CCDC102B: variants seen among roughly 807,000 people sequenced by gnomAD.
CCDC102B encodes coiled-coil domain containing 102B.
Under a neutral mutation model 57.4 loss-of-function variants are expected in CCDC102B, and 75 were observed. The observed-to-expected ratio is 1.31, with a 90% confidence interval of 1.08 to 1.58. The LOEUF is 1.58. CCDC102B is among the 40% of genes most tolerant of loss of function. CCDC102B has a pLI of 0.00. For synonymous variants in CCDC102B, 206 were observed against 201.9 expected (o/e 1.02, Z -0.17); for missense variants, 636 against 582.6 (o/e 1.09, Z -0.94).
intron 6 of CCDC102B, among the ~76,000 whole-genome samples, chr18:68,933,096 A>AC (rs1568338199): frequency 0.026 from 3,771 of 146,736 alleles, 139 homozygotes; most frequent in African/African-American, 0.091. Context: ...TTTACTCCTC[A>AC]TAAAAAAAAA....
intron 2 of CCDC102B, among the ~76,000 whole-genome samples, chr18:68,730,106 T>C (rs926286346): frequency 6.6e-6 from 1 of 152,146 alleles, no homozygotes; most frequent in Non-Finnish European, 1.5e-5. Flanking sequence ...TTCATGTGAG[T>C]AGAATTTATA....
intron 1 of CCDC102B, among the ~76,000 whole-genome samples, chr18:68,716,134 G>GA (rs1267927002): frequency 6.8e-6 from 1 of 147,952 alleles, no homozygotes; most frequent in Admixed American, 6.7e-5. Context: ...TTTTTTTTAA[G>GA]AAAAAAGTAG....
intron 1 of CCDC102B, among the ~76,000 whole-genome samples, chr18:68,813,774 T>TTATATATA (rs142225933): frequency 0.07 from 10,143 of 145,802 alleles, 469 homozygotes; most frequent in East Asian, 0.25. Context: ...AAATATAATT[T>TTATATATA]TATATATATA....
intron 1 of CCDC102B, among the ~76,000 whole-genome samples, chr18:68,816,459 C>CTTTTTTTTTTTTT (rs869077830): frequency 9.9e-6 from 1 of 100,588 alleles, no homozygotes; most frequent in South Asian, 3.8e-4. Context: ...TATTTCCTTT[C>CTTTTTTTTTTTTT]TTTTTTTTTT....
chr18:68,888,567 T>G (rs1414440197), intron 5 of CCDC102B, among the ~76,000 whole-genome samples: 1 of 152,208 alleles, frequency 6.6e-6, no homozygotes, highest in East Asian at 1.9e-4. Flanking sequence ...CCAGTAGTAC[T>G]TCTTCAGATG....
At chr18:68,906,638 TC>T (rs1446938264) in intron 6 of CCDC102B, among the ~76,000 whole-genome samples, 2 of 152,246 alleles carry the variant, frequency 1.3e-5, no homozygotes, top group South Asian at 4.1e-4. Context: ...TTGTATATCT[TC>T]TTGGCAGTTA....
intron 2 of CCDC102B, among the ~76,000 whole-genome samples, chr18:68,735,436 A>C (rs2033082448): frequency 6.6e-6 from 1 of 152,208 alleles, no homozygotes; most frequent in African/African-American, 2.4e-5. Context: ...ATATTTAAAA[A>C]TATCCCACTC....
At chr18:68,971,999 GCCTAGTAT>G (rs1457790952) in intron 6 of CCDC102B, among the ~76,000 whole-genome samples, 3 of 152,064 alleles carry the variant, frequency 2.0e-5, no homozygotes. Flanking sequence ...GTAAATTAAT[GCCTAGTAT>G]CTCAGCCAAG....
rs1437119401 is a variant in CCDC102B, at chr18:68,770,545, C to T, written c.-66-52821C>T. ...CAAGGCAAGGTTGTGGATGCATCCT[C>T]CTACCTCAGAGGGGGGAGAATTGTG... On this transcript the variant is annotated intron_variant, in intron 2 of 3. Coordinates refer to the CCDC102B transcript ENST00000578970. Among the ~76,000 whole-genome samples the T allele has an allele frequency of 5.9e-5, 9 of 152,072 alleles. No individual in the cohort carries two copies. The East Asian group carries it at 1.7e-3, about 29-fold the overall frequency.
chr18:68,974,419 A>T (rs1268507800), intron 6 of CCDC102B, among the ~76,000 whole-genome samples: 1 of 152,060 alleles, frequency 6.6e-6, no homozygotes, highest in Non-Finnish European at 1.5e-5. Context: ...TAAATTATTC[A>T]ATCTGAGGTA....
Position 68,837,104 on chromosome 18 carries a change from A to G in CCDC102B, c.341A>G (p.Asn114Ser), listed in dbSNP as rs1034040221. ...EKWSKVRAER[N>S]SAREEGRQLR... ...TGGAGTAAAGTTCGAGCTGAAAGGA[A>G]CAGTGCCAGGGAGGAAGGAAGACAA... Residue 114 changes from asparagine (N) to serine (S), a missense_variant, in exon 2 of 8, where the codon AAC becomes AGC. Transcript: ENST00000360242. The G allele has an allele frequency of 9.3e-6, 15 of 1,614,064 alleles. No individual in the cohort carries two copies. Among genetic ancestry groups the G allele is most frequent in the African/African-American group, 1.3e-5 (1 of 74,928 alleles).
At chr18:68,801,037 G>T (rs2035832297) in intron 1 of CCDC102B, among the ~76,000 whole-genome samples, 1 of 151,626 alleles carries the variant, frequency 6.6e-6, no homozygotes. Flanking sequence ...ATACATGATG[G>T]TAACTATGCT....
chr18:69,036,312 T>C (rs1300805153), intron 7 of CCDC102B, among the ~76,000 whole-genome samples: 1 of 152,082 alleles, frequency 6.6e-6, no homozygotes, highest in Non-Finnish European at 1.5e-5. Context: ...CGAATCCTTG[T>C]TATATTATCC....
intron 6 of CCDC102B, among the ~76,000 whole-genome samples, chr18:68,929,761 G>A (rs907517851): frequency 1.3e-5 from 2 of 151,596 alleles, no homozygotes; most frequent in African/African-American, 4.8e-5. Context: ...AGGAAGAAGA[G>A]GAATATATGG....
chr18:68,954,093 A>G (rs1008908201), intron 6 of CCDC102B, among the ~76,000 whole-genome samples: 1 of 152,132 alleles, frequency 6.6e-6, no homozygotes, highest in Non-Finnish European at 1.5e-5. Flanking sequence ...AATTTAGGAA[A>G]TGGCATTTGC....
At chr18:68,779,099 C>T (rs1428341355) in intron 2 of CCDC102B, among the ~76,000 whole-genome samples, 1 of 152,022 alleles carries the variant, frequency 6.6e-6, no homozygotes, top group Non-Finnish European at 1.5e-5. Flanking sequence ...ACGAGGTTGA[C>T]AGATGTTCCC....
intron 7 of CCDC102B, among the ~76,000 whole-genome samples, chr18:69,037,342 C>G (rs1045776792): frequency 6.6e-6 from 1 of 151,980 alleles, no homozygotes; most frequent in Non-Finnish European, 1.5e-5. Flanking sequence ...AAGGGACTCA[C>G]AGTCTATGAG....
At chr18:68,953,163 C>T (rs917960544) in intron 6 of CCDC102B, among the ~76,000 whole-genome samples, 2 of 151,994 alleles carry the variant, frequency 1.3e-5, no homozygotes, top group African/African-American at 4.8e-5. Context: ...AAAGCCAAAT[C>T]AAAATCAAAA....
chr18:68,916,777 G>A (rs77137359), intron 6 of CCDC102B, among the ~76,000 whole-genome samples: 2,047 of 152,288 alleles, frequency 0.013, 26 homozygotes, highest in East Asian at 0.06. Flanking sequence ...TACATTCGTT[G>A]CATTGCTTTC....
Sources: gnomAD v4.1 joint callset for allele counts (sites outside exome capture counted in the v4.1 genomes callset) on GRCh38, gnomAD v4.1.1 for gene constraint, MANE v1.5 for transcripts, NCBI Gene and HGNC (gene_info 2026-07-23, HGNC 2026-07-21) for gene names.